SBF2: variants seen among roughly 807,000 people sequenced by gnomAD.
SBF2 encodes the protein SET binding factor 2, also known as myotubularin-related protein 13.
Under a neutral mutation model 225.2 loss-of-function variants are expected in SBF2, and 112 were observed. That is an observed-to-expected ratio of 0.50 (90% confidence interval 0.43 to 0.58). The LOEUF is 0.58. Among genes scored for constraint, SBF2 ranks in the 20% least tolerant of loss-of-function variants. The pLI is 0.00. For synonymous variants in SBF2, 763 were observed against 773.3 expected (o/e 0.99, Z 0.22); for missense variants, 1,996 against 2,206.2 (o/e 0.90, Z 1.91).
chr11:10,050,409 T>A (rs994664048), intron 2 of SBF2, among the ~76,000 whole-genome samples: 1 of 152,136 alleles, frequency 6.6e-6, no homozygotes, highest in Admixed American at 6.6e-5. Context: ...CTGTATGTAC[T>A]ATGTATGTAT....
rs1191535832 is a variant in SBF2, at chr11:10,235,670, T to C, written c.56-41683A>G. ...CCTTCAAACGTTTCTATAGTTCATA[T>C]TGTAATTTCTCAATGACTATCACTG... On this transcript the variant is annotated intron_variant, in intron 1 of 39. Coordinates refer to ENST00000256190, the MANE Select transcript of SBF2 (RefSeq NM_030962.4). Among the ~76,000 whole-genome samples the C allele has an allele frequency of 3.3e-5, 5 of 152,214 alleles. No homozygotes were observed. The South Asian group carries it at 6.2e-4, about 19-fold the overall frequency.
chr11:9,796,982 C>T (rs146726193), intron 32 of SBF2, among the ~76,000 whole-genome samples: 103 of 152,280 alleles, frequency 6.8e-4, no homozygotes, highest in Middle Eastern at 3.4e-3. Flanking sequence ...TAGTCTGCCT[C>T]GCAATCTCAC....
chr11:10,292,450 G>C (rs1334788815), intron 1 of SBF2, among the ~76,000 whole-genome samples: 3 of 152,086 alleles, frequency 2.0e-5, no homozygotes, highest in Non-Finnish European at 4.4e-5. Context: ...GGGAGGCCGA[G>C]GCCGGTGGAT....
chr11:10,102,581 A>C (rs1304192355), intron 2 of SBF2, among the ~76,000 whole-genome samples: 1 of 152,198 alleles, frequency 6.6e-6, no homozygotes, highest in Non-Finnish European at 1.5e-5. Flanking sequence ...GTCTCAACCT[A>C]AAAGAGTAAT....
At chr11:10,230,967 C>A (rs1958815168) in intron 1 of SBF2, among the ~76,000 whole-genome samples, 1 of 152,174 alleles carries the variant, frequency 6.6e-6, no homozygotes, top group Non-Finnish European at 1.5e-5. Context: ...TAGATTTGGT[C>A]TTTTCACATA....
chr11:10,080,007 G>A (rs1237313158), intron 2 of SBF2, among the ~76,000 whole-genome samples: 2 of 151,972 alleles, frequency 1.3e-5, no homozygotes, highest in Non-Finnish European at 2.9e-5. Flanking sequence ...CTGCACTTTA[G>A]GAGGCTGAGC....
At chr11:9,908,885 G>A (rs1402753304) in intron 16 of SBF2, among the ~76,000 whole-genome samples, 3 of 146,012 alleles carry the variant, frequency 2.1e-5, no homozygotes, top group East Asian at 2.0e-4. Context: ...ATGAGGTTCC[G>A]CCACGTTGCT....
intron 26 of SBF2, among the ~76,000 whole-genome samples, chr11:9,834,528 A>G (rs1855618175): frequency 6.6e-6 from 1 of 152,232 alleles, no homozygotes; most frequent in Admixed American, 6.5e-5. Flanking sequence ...CACATAAATC[A>G]TAACCTTCAA....
At chr11:9,907,213 A>G (rs1862184546) in intron 16 of SBF2, among the ~76,000 whole-genome samples, 1 of 152,146 alleles carries the variant, frequency 6.6e-6, no homozygotes, top group African/African-American at 2.4e-5. Context: ...TCTGACCATT[A>G]TAGAATAATG....
intron 2 of SBF2, among the ~76,000 whole-genome samples, chr11:10,161,184 CAAAAAA>C (rs56779207): frequency 2.8e-4 from 21 of 75,350 alleles, no homozygotes; most frequent in Non-Finnish European, 5.0e-4. Context: ...GACTCTGTCT[CAAAAAA>C]AAAAAAAAAA....
chr11:10,284,627 C>T (rs1963626139), intron 1 of SBF2, among the ~76,000 whole-genome samples: 1 of 151,476 alleles, frequency 6.6e-6, no homozygotes, highest in Admixed American at 6.6e-5. Flanking sequence ...TGTTCCATTA[C>T]CCAGGCTGGA....
chr11:10,198,705 C>A (rs1285200988), intron 1 of SBF2, among the ~76,000 whole-genome samples: 1 of 152,182 alleles, frequency 6.6e-6, no homozygotes, highest in Admixed American at 6.5e-5. Flanking sequence ...AGTGTGGCTG[C>A]CCTCATCATC....
intron 16 of SBF2, chr11:9,958,399 C>T (rs1203834368): frequency 6.7e-6 from 1 of 149,634 alleles, no homozygotes; most frequent in Non-Finnish European, 1.5e-5. Context: ...TCGCTGTCGC[C>T]CAGGCTGGAG....
chr11:10,012,116 G>A (rs1948481940), intron 6 of SBF2, among the ~76,000 whole-genome samples: 1 of 152,046 alleles, frequency 6.6e-6, no homozygotes, highest in Non-Finnish European at 1.5e-5. Context: ...CATCTCAAAT[G>A]TGCTGTTAAG....
intron 17 of SBF2, among the ~76,000 whole-genome samples, chr11:9,889,460 A>T (rs1365264621): frequency 6.6e-6 from 1 of 152,250 alleles, no homozygotes; most frequent in East Asian, 1.9e-4. Context: ...ATTCAGCAAT[A>T]AAGAAATTAA....
chr11:10,023,120 C>T (rs1450102798), intron 6 of SBF2, among the ~76,000 whole-genome samples: 2 of 152,030 alleles, frequency 1.3e-5, no homozygotes, highest in African/African-American at 4.8e-5. Context: ...AAGATAATTG[C>T]CCTCAACTAC....
intron 1 of SBF2, among the ~76,000 whole-genome samples, chr11:10,282,519 T>C (rs1024527112): frequency 6.6e-6 from 1 of 152,170 alleles, no homozygotes; most frequent in East Asian, 1.9e-4. Context: ...CAGCATTTCC[T>C]TCCCTCATCC....
At chr11:9,903,459 C>T (rs1043135934) in intron 16 of SBF2, among the ~76,000 whole-genome samples, 2 of 152,208 alleles carry the variant, frequency 1.3e-5, no homozygotes, top group South Asian at 4.1e-4. Context: ...CAAGGTATTA[C>T]TGATGGTGAA....
intron 6 of SBF2, among the ~76,000 whole-genome samples, chr11:10,021,513 A>G (rs1031684334): frequency 7.2e-5 from 11 of 152,218 alleles, no homozygotes; most frequent in African/African-American, 2.7e-4. Flanking sequence ...AAGGCGATCA[A>G]GAGGAAATTG....
Sources: gnomAD v4.1 joint callset for allele counts (sites outside exome capture counted in the v4.1 genomes callset) on GRCh38, gnomAD v4.1.1 for gene constraint, MANE v1.5 for transcripts, NCBI Gene and HGNC (gene_info 2026-07-23, HGNC 2026-07-21) for gene names.